Variants in GRK4 observed in about 807,000 individuals in gnomAD.
GRK4 encodes the protein G protein-coupled receptor kinase 2-like.
In GRK4, 73 loss-of-function variants were observed where a neutral mutation model predicts 77.9. That is an observed-to-expected ratio of 0.94 (90% confidence interval 0.78 to 1.14). The LOEUF (loss-of-function observed/expected upper bound fraction) is 1.14. GRK4 is among the 50% of genes most tolerant of loss of function. GRK4 has a pLI of 0.00. For missense variants in GRK4, 729 were observed against 700.2 expected (o/e 1.04, Z -0.46); for synonymous variants, 257 against 254.4 (o/e 1.01, Z -0.10).
chr4:3,008,204 G>A (rs1252690560), intron 6 of GRK4, among the ~76,000 whole-genome samples: 1 of 152,158 alleles, frequency 6.6e-6, no homozygotes, highest in East Asian at 1.9e-4. Flanking sequence ...AATAGACTCT[G>A]TTCTCTCTTT....
chr4:3,006,394 A>G (rs1037135915), intron 5 of GRK4, among the ~76,000 whole-genome samples: 3 of 151,986 alleles, frequency 2.0e-5, no homozygotes, highest in Non-Finnish European at 2.9e-5. Context: ...AAAAAAAAAA[A>G]AGAGATTTTC....
intron 10 of GRK4, among the ~76,000 whole-genome samples, chr4:3,024,467 C>T (rs1736900210): frequency 1.3e-5 from 2 of 152,168 alleles, no homozygotes; most frequent in South Asian, 2.1e-4. Flanking sequence ...GCAATTATGC[C>T]TCACTGCAGT....
At chr4:2,979,068 CA>C (rs1722031803) in intron 1 of GRK4, among the ~76,000 whole-genome samples, 1 of 151,230 alleles carries the variant, frequency 6.6e-6, no homozygotes, top group Non-Finnish European at 1.5e-5. Flanking sequence ...TCTGTAAATA[CA>C]AAAAAATTAG....
chr4:2,968,798 T>C (rs1386870338), intron 1 of GRK4, among the ~76,000 whole-genome samples: 2 of 152,196 alleles, frequency 1.3e-5, no homozygotes, highest in East Asian at 3.8e-4. Flanking sequence ...GGGCTGCTGA[T>C]TGATAATCAG....
rs1238889776 is a variant in GRK4 at position 3,019,671 on chromosome 4, G to T, written c.772G>T (p.Asp258Tyr). The T allele has an allele frequency of 6.2e-7, 1 of 1,613,808 alleles. No homozygotes were observed. Among genetic ancestry groups the T allele is most frequent in the Non-Finnish European group, 8.5e-7 (1 of 1,179,892 alleles). ...VSLAYAYETK[D>Y]ALCLVLTIMN... ...TTTAGCCTACGCTTATGAAACCAAAGATGCCTTGTGCTTGGTGCTCACCAT... is the reference window on the plus strand; with the variant it reads ...TTTAGCCTACGCTTATGAAACCAAATATGCCTTGTGCTTGGTGCTCACCAT... Residue 258 changes from aspartate (D) to tyrosine (Y), a missense_variant, in exon 9 of 16, where the codon GAT becomes TAT. Physicochemically the swap from Asp to Tyr is radical, Grantham distance 160. Transcript: ENST00000398052.
intron 1 of GRK4, among the ~76,000 whole-genome samples, chr4:2,974,968 T>C (rs1016815117): frequency 6.6e-6 from 1 of 152,192 alleles, no homozygotes; most frequent in South Asian, 2.1e-4. Context: ...CAAATATCCA[T>C]GCACAGCCTT....
chr4:2,992,343 A>G (rs773183884), intron 4 of GRK4, 51 bp downstream of exon 4: 2 of 1,216,834 alleles, frequency 1.6e-6, no homozygotes, highest in Non-Finnish European at 2.4e-6. Context: ...ATTAGAGTGC[A>G]TAGCCATTTT....
At position 3,007,941 on chromosome 4, in the gene GRK4, T is replaced by G. The variant is rs1731786171; in HGVS notation, c.536+113T>G. On this transcript the variant is annotated intron_variant, in intron 6 of 15. Coordinates refer to ENST00000398052, the MANE Select transcript of GRK4 (RefSeq NM_182982.3). The stretch of plus-strand genomic sequence containing the variant: ...TTGCTTAAGCCCAAGACTTCAAGGC[T>G]ATAGTACGGGATGATCAAGCCTGTG... 3 of 692,372 alleles carry G rather than the reference T, an allele frequency of 4.3e-6. No homozygotes were observed. In the South Asian group the frequency reaches 6.2e-5, roughly 14 times the overall value. 42.9% of individuals were successfully genotyped at this position (692,372 alleles called of 1,614,324 possible).
chr4:3,039,120 G>A (rs1005058802), intron 15 of GRK4, among the ~76,000 whole-genome samples: 2 of 152,154 alleles, frequency 1.3e-5, no homozygotes, highest in Admixed American at 6.5e-5. Flanking sequence ...GGAGGCTGAG[G>A]CAGGAGAATC....
intron 1 of GRK4, among the ~76,000 whole-genome samples, chr4:2,967,161 T>C (rs759651140): frequency 3.9e-5 from 6 of 152,236 alleles, no homozygotes; most frequent in Non-Finnish European, 7.3e-5. Flanking sequence ...AAATCTGTCT[T>C]GATCTTGGAC....
At chr4:2,978,664 G>A (rs957331303) in intron 1 of GRK4, among the ~76,000 whole-genome samples, 1 of 152,200 alleles carries the variant, frequency 6.6e-6, no homozygotes, top group African/African-American at 2.4e-5. Flanking sequence ...AAAAGTCCAG[G>A]CCAGGCAAGG....
intron 1 of GRK4, among the ~76,000 whole-genome samples, chr4:2,967,495 G>C (rs1037256731): frequency 2.6e-5 from 4 of 152,160 alleles, no homozygotes; most frequent in Non-Finnish European, 2.9e-5. Context: ...CTGCCGCCTG[G>C]GTTCAAGTGA....
chr4:3,015,846 G>A (rs1465572177), intron 8 of GRK4, among the ~76,000 whole-genome samples: 2 of 151,044 alleles, frequency 1.3e-5, no homozygotes, highest in Non-Finnish European at 3.0e-5. Context: ...GGCCAAGGTG[G>A]GAGGATCACT....
In GRK4 at chr4:3,038,404, T is replaced by A. The variant is rs1741442631; in HGVS notation, c.1574T>A (p.Ile525Asn). 1 of 1,613,968 alleles carries A rather than the reference T, an allele frequency of 6.2e-7. No individual in the cohort carries two copies. The highest frequency in any genetic ancestry group is 8.5e-7 in the Non-Finnish European group (1 of 1,180,010). Residue 525 changes from isoleucine (I) to asparagine (N), a missense_variant, in exon 15 of 16, where the codon ATC (isoleucine) becomes AAC (asparagine). By Grantham distance (149) the Ile-to-Asn change is moderately radical. Transcript: ENST00000398052. ...EMIESGCFKD[I>N]NKSESEEALP... ...ATCGAATCTGGGTGTTTCAAAGACA[T>A]CAACAAAAGTGAAAGTGAGGAAGCT...
intron 8 of GRK4, among the ~76,000 whole-genome samples, chr4:3,017,077 G>A (rs115591456): frequency 0.01 from 1,583 of 152,316 alleles, 34 homozygotes; most frequent in African/African-American, 0.035. Context: ...TGTTCTCCAC[G>A]GAGCAGTGCA....
intron 4 of GRK4, among the ~76,000 whole-genome samples, chr4:2,998,035 T>G (rs1207168697): frequency 6.6e-6 from 1 of 152,122 alleles, no homozygotes. Context: ...CTGGAGGTTC[T>G]AGACAGGGCA....
At chr4:3,033,648 G>A (rs1739770191) in intron 12 of GRK4, among the ~76,000 whole-genome samples, 1 of 152,190 alleles carries the variant, frequency 6.6e-6, no homozygotes, top group South Asian at 2.1e-4. Context: ...GTACAGTGGT[G>A]CGACCTCAGC....
chr4:2,971,662 C>T (rs530349300), intron 1 of GRK4, among the ~76,000 whole-genome samples: 101 of 152,174 alleles, frequency 6.6e-4, no homozygotes, highest in Non-Finnish European at 1.3e-3. Flanking sequence ...TGATGTCTCC[C>T]GCAACAGACA....
At chr4:3,007,858 C>A in intron 6 of GRK4, 30 bp downstream of exon 6, 1 of 1,479,500 alleles carries the variant, frequency 6.8e-7, no homozygotes, top group Non-Finnish European at 9.4e-7. Flanking sequence ...TTGATAAAAG[C>A]CAATTGAGGT....
Sources: allele counts gnomAD v4.1 joint callset (sites outside exome capture counted in the v4.1 genomes callset), GRCh38; gene constraint gnomAD v4.1.1; transcripts MANE v1.5; gene names NCBI Gene and HGNC (gene_info 2026-07-23, HGNC 2026-07-21).